MYT1L: variants seen among roughly 807,000 people sequenced by gnomAD.
MYT1L encodes myelin transcription factor 1 like, also known as myelin transcription factor 1-like protein.
MYT1L carries 12 observed loss-of-function variants against 126.7 expected under a neutral mutation model. The observed-to-expected ratio is 0.09, with a 90% confidence interval of 0.06 to 0.15. The LOEUF is 0.15. Among genes scored for constraint, MYT1L ranks in the 10% least tolerant of loss-of-function variants. MYT1L has a pLI of 1.00. For synonymous variants in MYT1L, 541 were observed against 604.2 expected (o/e 0.90, Z 1.53); for missense variants, 979 against 1,585.2 (o/e 0.62, Z 6.49).
chr2:1,898,659 A>T (rs1045562048), intron 14 of MYT1L, among the ~76,000 whole-genome samples: 1 of 152,238 alleles, frequency 6.6e-6, no homozygotes, highest in African/African-American at 2.4e-5. Flanking sequence ...TGACACAGCC[A>T]TGCTGCAGGG....
chr2:1,981,662 T>G (rs1359820959), intron 5 of MYT1L, among the ~76,000 whole-genome samples: 1 of 152,136 alleles, frequency 6.6e-6, no homozygotes, highest in East Asian at 1.9e-4. Context: ...TCCAGCTGAA[T>G]AGACAGCTGC....
chr2:1,840,410 T>C (rs1222256626), intron 20 of MYT1L, among the ~76,000 whole-genome samples: 4 of 152,182 alleles, frequency 2.6e-5, no homozygotes, highest in African/African-American at 9.7e-5. Flanking sequence ...GCTTGTGATG[T>C]TGTATTTAGT....
At chr2:2,092,601 A>G (rs748190135) in intron 3 of MYT1L, among the ~76,000 whole-genome samples, 9 of 151,012 alleles carry the variant, frequency 6.0e-5, no homozygotes, top group Middle Eastern at 3.4e-3. Flanking sequence ...TATAAAACAT[A>G]CACGATCCGT....
At chr2:2,085,204 C>T (rs781651575) in intron 3 of MYT1L, among the ~76,000 whole-genome samples, 13 of 152,178 alleles carry the variant, frequency 8.5e-5, no homozygotes, top group Non-Finnish European at 1.6e-4. Context: ...CTGCATGCCT[C>T]TTGGCTTTCT....
intron 3 of MYT1L, among the ~76,000 whole-genome samples, chr2:2,139,466 A>AT (rs923290493): frequency 2.0e-5 from 3 of 151,680 alleles, no homozygotes; most frequent in Non-Finnish European, 4.4e-5. Flanking sequence ...CTAAAAAAAA[A>AT]ATATATGTAT....
intron 3 of MYT1L, among the ~76,000 whole-genome samples, chr2:2,066,900 G>GGT (rs1366298692): frequency 6.6e-6 from 1 of 152,266 alleles, no homozygotes; most frequent in Non-Finnish European, 1.5e-5. Context: ...TTTAACAAAA[G>GGT]GTGTGTGATG....
chr2:2,295,749 GAGAGAC>G lies in MYT1L; in HGVS notation c.-520-11252_-520-11247del, dbSNP rs1424002436. Among the ~76,000 whole-genome samples, 14 of 137,902 alleles carry G rather than the reference GAGAGAC, an allele frequency of 1.0e-4. 2 individuals carry two copies. The highest frequency in any genetic ancestry group is 1.7e-4 in the Non-Finnish European group (10 of 60,562). The allele number at this position is 137,902 out of a possible 152,430, so 90.5% of individuals were successfully genotyped here. ...ATAGAGAGACAGACAGACAGAGAGA[GAGAGAC>G]AGACAGACAGACAGAGAGAGAGATA... On this transcript the variant is annotated intron_variant, in intron 1 of 24. Transcript: ENST00000647738.
chr2:2,043,497 C>A (rs958327596), intron 4 of MYT1L, among the ~76,000 whole-genome samples: 4 of 152,160 alleles, frequency 2.6e-5, no homozygotes, highest in African/African-American at 9.7e-5. Flanking sequence ...AGTTCATAAA[C>A]GCGGTGCTTT....
At chr2:2,140,008 T>A (rs1258035565) in intron 3 of MYT1L, among the ~76,000 whole-genome samples, 2 of 152,204 alleles carry the variant, frequency 1.3e-5, no homozygotes, top group African/African-American at 4.8e-5. Context: ...ACATGATATA[T>A]CACATAAACT....
chr2:2,177,482 C>T (rs945675773), intron 2 of MYT1L, among the ~76,000 whole-genome samples: 9 of 152,128 alleles, frequency 5.9e-5, no homozygotes, highest in Non-Finnish European at 7.3e-5. Flanking sequence ...TGTTCACATA[C>T]GACAACCTAG....
At position 2,068,771 on chromosome 2, in the gene MYT1L, T is replaced by C. The variant is rs1558912070; in HGVS notation, c.-303-14648A>G. The stretch of plus-strand genomic sequence containing the variant: ...ACACAGACACCTGTGTTCTTCTTGT[T>C]TTTTTTTTTTTTTTTTTTTTTTTTT... On this transcript the variant is annotated intron_variant, in intron 3 of 24. Coordinates refer to ENST00000647738, the MANE Select transcript of MYT1L (RefSeq NM_001303052.2). 8.5e-3 allele frequency among the ~76,000 whole-genome samples: 229 copies of C among 26,832 alleles called. 2 individuals carry two copies. Among genetic ancestry groups the C allele is most frequent in the Non-Finnish European group, 0.015 (196 of 13,034 alleles). The allele number at this position is 26,832 out of a possible 152,430, so 17.6% of individuals were successfully genotyped here. A position where few individuals can be genotyped will look rare whatever the true frequency, so the allele number is the denominator to read the frequency against.
At chr2:2,304,318 G>T (rs2095829501) in intron 1 of MYT1L, among the ~76,000 whole-genome samples, 1 of 152,138 alleles carries the variant, frequency 6.6e-6, no homozygotes, top group Non-Finnish European at 1.5e-5. Flanking sequence ...AACTATGGTA[G>T]GTAAGTGAGT....
chr2:2,279,288 A>C (rs1163175205), intron 2 of MYT1L, among the ~76,000 whole-genome samples: 1 of 152,154 alleles, frequency 6.6e-6, no homozygotes, highest in African/African-American at 2.4e-5. Context: ...TTTCAAGGCT[A>C]TGCCTGATTG....
intron 1 of MYT1L, among the ~76,000 whole-genome samples, chr2:2,318,102 G>A (rs1470554881): frequency 4.6e-5 from 7 of 152,222 alleles, no homozygotes; most frequent in Middle Eastern, 6.8e-3. Flanking sequence ...ATGCCTTTGA[G>A]GCTAAAATAC....
intron 3 of MYT1L, among the ~76,000 whole-genome samples, chr2:2,167,043 C>T (rs1483222021): frequency 6.6e-6 from 1 of 152,134 alleles, no homozygotes; most frequent in Admixed American, 6.5e-5. Context: ...CTTCCGCCTC[C>T]GTCTTTTATG....
At chr2:2,187,749 T>A (rs1277914011) in intron 2 of MYT1L, among the ~76,000 whole-genome samples, 1 of 152,144 alleles carries the variant, frequency 6.6e-6, no homozygotes, top group Non-Finnish European at 1.5e-5. Flanking sequence ...CAATATATCT[T>A]ACTGGATAAG....
At chr2:2,276,483 G>A (rs893808869) in intron 2 of MYT1L, among the ~76,000 whole-genome samples, 1 of 152,148 alleles carries the variant, frequency 6.6e-6, no homozygotes, top group African/African-American at 2.4e-5. Flanking sequence ...ATGGTTTCAG[G>A]AATCCAAGGC....
chr2:2,183,997 G>A (rs1204007537), intron 2 of MYT1L, among the ~76,000 whole-genome samples: 6 of 148,842 alleles, frequency 4.0e-5, no homozygotes, highest in Non-Finnish European at 7.4e-5. Context: ...GAGAAAGGGG[G>A]AGGGAGAAAG....
Position 2,081,779 on chromosome 2 carries a change from G to A in MYT1L, c.-303-27656C>T, listed in dbSNP as rs376208462. On this transcript the variant is annotated intron_variant, in intron 3 of 24. Coordinates refer to ENST00000647738, the MANE Select transcript of MYT1L (RefSeq NM_001303052.2). ...CTTAGAGATGGAGTCTCACTCTGTC[G>A]CCCAGGCTGGAGTGCAGTGGTGTGA... is the stretch of plus-strand genomic sequence containing the variant. Among the ~76,000 whole-genome samples the A allele has an allele frequency of 5.4e-4, 82 of 152,026 alleles. 1 individual carries two copies. The highest frequency in any genetic ancestry group is 1.2e-3 in the African/African-American group (50 of 41,466).
Sources: gnomAD v4.1 joint callset for allele counts (sites outside exome capture counted in the v4.1 genomes callset) on GRCh38, gnomAD v4.1.1 for gene constraint, MANE v1.5 for transcripts, NCBI Gene and HGNC (gene_info 2026-07-23, HGNC 2026-07-21) for gene names.